DPP6: variants seen among roughly 807,000 people sequenced by gnomAD.
DPP6 encodes dipeptidyl peptidase like 6, also known as A-type potassium channel modulatory protein DPP6.
DPP6 carries 69 observed loss-of-function variants against 122.6 expected under a neutral mutation model. That is an observed-to-expected ratio of 0.56 (90% CI 0.46 to 0.69). The LOEUF (loss-of-function observed/expected upper bound fraction) is 0.69. Ranked by LOEUF, DPP6 falls within the 30% of genes least tolerant of loss-of-function variation. The pLI, the probability that DPP6 is intolerant of heterozygous loss-of-function variation, is 0.00. For synonymous variants in DPP6, 418 were observed against 433.1 expected, an observed-to-expected ratio of 0.97 and a Z score of 0.43; for missense variants, 928 against 1,116.9, an observed-to-expected ratio of 0.83 and a Z score of 2.41.
At chr7:153,880,873 G>A in the DPP6 span, among the ~76,000 whole-genome samples, 2 of 152,136 alleles carry the variant, frequency 1.3e-5, no homozygotes, top group Non-Finnish European at 2.9e-5. Context: ...AGATAGAGAT[G>A]AACATAAATC....
At chr7:154,061,915 C>A (rs1802003366) in intron 1 of DPP6, among the ~76,000 whole-genome samples, 1 of 131,254 alleles carries the variant, frequency 7.6e-6, no homozygotes, top group South Asian at 2.7e-4. Flanking sequence ...CCCCCCCTGG[C>A]TCTGAGGACC....
chr7:154,009,189 T>C (rs1299381796), intron 1 of DPP6, among the ~76,000 whole-genome samples: 2 of 61,900 alleles, frequency 3.2e-5, no homozygotes, highest in Non-Finnish European at 6.2e-5. Context: ...CTCTCCCTAA[T>C]GATAATGTCT....
At chr7:153,908,640 C>T (rs1799947972) in intron 1 of DPP6, among the ~76,000 whole-genome samples, 1 of 152,112 alleles carries the variant, frequency 6.6e-6, no homozygotes, top group Non-Finnish European at 1.5e-5. Flanking sequence ...TAAAAACCTG[C>T]CATCTTCAAG....
At chr7:154,470,670 G>A (rs1160542498) in intron 2 of DPP6, among the ~76,000 whole-genome samples, 1 of 152,190 alleles carries the variant, frequency 6.6e-6, no homozygotes, top group Non-Finnish European at 1.5e-5. Context: ...CTACATCACT[G>A]CAGATTTCAG....
At chr7:154,510,942 A>G (rs1184069325) in intron 3 of DPP6, among the ~76,000 whole-genome samples, 29 of 33,444 alleles carry the variant, frequency 8.7e-4, no homozygotes, top group African/African-American at 2.6e-3. Context: ...ACATGCACAC[A>G]CACACACACA....
chr7:154,263,074 G>A (rs1251461006), intron 1 of DPP6, among the ~76,000 whole-genome samples: 2 of 152,158 alleles, frequency 1.3e-5, no homozygotes, highest in Non-Finnish European at 2.9e-5. Flanking sequence ...AGAAGGAGTC[G>A]GGCAAACACA....
chr7:154,850,091 T>C (rs1268789895), intron 16 of DPP6, among the ~76,000 whole-genome samples: 3 of 152,218 alleles, frequency 2.0e-5, no homozygotes, highest in Non-Finnish European at 4.4e-5. Flanking sequence ...TTTGGTTACA[T>C]GAGTAAGTTA....
intron 6 of DPP6, among the ~76,000 whole-genome samples, chr7:154,652,470 C>G (rs922412879): frequency 6.6e-6 from 1 of 151,300 alleles, no homozygotes; most frequent in Admixed American, 6.6e-5. Flanking sequence ...CATGGAGAGC[C>G]TCATTAGTGT....
chr7:153,808,314 CCT>C, the DPP6 span, among the ~76,000 whole-genome samples: 1 of 142,626 alleles, frequency 7.0e-6, no homozygotes, highest in Non-Finnish European at 1.5e-5. Flanking sequence ...CACATGTGTG[CCT>C]GTGTGTGTCT....
intron 1 of DPP6, among the ~76,000 whole-genome samples, chr7:154,101,821 G>A (rs1412223087): frequency 2.0e-5 from 3 of 151,256 alleles, no homozygotes; most frequent in East Asian, 3.9e-4. Flanking sequence ...CCAGCTTCTC[G>A]GGAGGCTGAG....
chr7:154,766,117 G>A (rs1193524413), intron 8 of DPP6, among the ~76,000 whole-genome samples: 1 of 152,180 alleles, frequency 6.6e-6, no homozygotes, highest in African/African-American at 2.4e-5. Context: ...GGAGCGATGT[G>A]TTCAAGGACA....
chr7:153,855,897 G>C, the DPP6 span, among the ~76,000 whole-genome samples: 1 of 152,020 alleles, frequency 6.6e-6, no homozygotes, highest in African/African-American at 2.4e-5. Context: ...GCATTTCCCA[G>C]TCTTACCTTT....
chr7:154,495,398 T>TG (rs1824645638), intron 3 of DPP6, among the ~76,000 whole-genome samples: 3 of 141,944 alleles, frequency 2.1e-5, no homozygotes, highest in South Asian at 4.6e-4. Context: ...GGTTTTTTTT[T>TG]TTTTGTTGTT....
chr7:154,042,030 T>C (rs1299979434), intron 1 of DPP6, among the ~76,000 whole-genome samples: 1 of 152,164 alleles, frequency 6.6e-6, no homozygotes, highest in East Asian at 1.9e-4. Context: ...GTGCTGAGAT[T>C]ACAGGCGTGA....
At chr7:154,074,134 T>TAGAGAG (rs1803371772) in intron 1 of DPP6, among the ~76,000 whole-genome samples, 1 of 21,872 alleles carries the variant, frequency 4.6e-5, no homozygotes, top group Non-Finnish European at 9.1e-5. Flanking sequence ...TATCTATATA[T>TAGAGAG]ATCTCTCTAT....
chr7:154,633,434 C>T (rs771351536), intron 5 of DPP6, among the ~76,000 whole-genome samples: 3 of 152,094 alleles, frequency 2.0e-5, no homozygotes, highest in African/African-American at 4.8e-5. Flanking sequence ...TGGAGTTTCA[C>T]CATGTTGACT....
intron 6 of DPP6, among the ~76,000 whole-genome samples, chr7:154,665,107 A>G (rs2131077058): frequency 6.6e-6 from 1 of 152,240 alleles, no homozygotes. Flanking sequence ...ACTTTTGAGG[A>G]GGACTGGTCA....
At chr7:154,496,105 G>T (rs1359016285) in intron 3 of DPP6, among the ~76,000 whole-genome samples, 2 of 152,154 alleles carry the variant, frequency 1.3e-5, no homozygotes, top group African/African-American at 4.8e-5. Context: ...AGAGTTGGAG[G>T]TTTCACACAT....
At chr7:154,210,528 TGTGA>T in intron 1 of DPP6, among the ~76,000 whole-genome samples, 1 of 152,350 alleles carries the variant, frequency 6.6e-6, no homozygotes, top group East Asian at 1.9e-4. Flanking sequence ...AGGAAAAACT[TGTGA>T]GTGTCTGGTG....
Sources: allele counts gnomAD v4.1 joint callset (sites outside exome capture counted in the v4.1 genomes callset), GRCh38; gene constraint gnomAD v4.1.1; transcripts MANE v1.5; gene names NCBI Gene and HGNC (gene_info 2026-07-23, HGNC 2026-07-21).